KLHL20: variants seen among roughly 807,000 people sequenced by gnomAD.
KLHL20 encodes kelch-like protein 20.
KLHL20 carries 29 observed loss-of-function variants against 69.5 expected under a neutral mutation model. That is an observed-to-expected ratio of 0.42 (90% CI 0.31 to 0.57). The LOEUF is 0.57. Ranked by LOEUF, KLHL20 falls within the 20% of genes least tolerant of loss-of-function variation. KLHL20 has a pLI of 0.18. For synonymous variants in KLHL20, 253 were observed against 265.2 expected (o/e 0.95, Z 0.45); for missense variants, 419 against 776.0 (o/e 0.54, Z 5.47).
At chr1:173,729,819 T>C (rs1672169328) in intron 2 of KLHL20, among the ~76,000 whole-genome samples, 1 of 152,218 alleles carries the variant, frequency 6.6e-6, no homozygotes, top group African/African-American at 2.4e-5. Context: ...AAGACAGGGA[T>C]GCCCTCTCTC....
In KLHL20 at chr1:173,734,110, C is replaced by G. The variant is rs753877472; in HGVS notation, c.421C>G (p.Leu141Val). ...AGTAGAAGAGGGCAATGTTCAGACT[C>G]TTCTGCCAGCTGCTTGCCTCCTCCA... ...ITVEEGNVQTLLPAACLLQLA... is the reference protein window; with the variant it reads ...ITVEEGNVQTVLPAACLLQLA... The change falls in exon 3 of 12, where the codon CTT (leucine) becomes GTT (valine). Residue 141 changes from leucine to valine, a missense_variant. Coordinates refer to ENST00000209884, the MANE Select transcript of KLHL20 (RefSeq NM_014458.4). The G allele has an allele frequency of 6.2e-7, 1 of 1,614,236 alleles. No homozygotes were observed. Among genetic ancestry groups the G allele is most frequent in the Non-Finnish European group, 8.5e-7 (1 of 1,180,048 alleles).
rs1256918594 is a variant in KLHL20 at position 173,774,345 on chromosome 1, A to G, written c.1336A>G (p.Met446Val). 5 of 1,614,106 alleles carry G rather than the reference A, an allele frequency of 3.1e-6. No individual in the cohort carries two copies. The highest frequency in any genetic ancestry group is 3.4e-6 in the Non-Finnish European group (4 of 1,179,992). Residue 446 changes from methionine (M) to valine (V), a missense_variant, in exon 9 of 12, where the codon ATG becomes GTG. Transcript: ENST00000209884. ...GAACAAGTGGACTCGGGTAGCTTCT[A>G]TGAGTACCAGAAGACTAGGTGTGGC... ...KENKWTRVAS[M>V]STRRLGVAVA...
chr1:173,760,615 A>T lies in KLHL20; in HGVS notation c.1151+3456A>T, dbSNP rs145956131. On this transcript the variant is annotated intron_variant, in intron 7 of 11. Transcript: ENST00000209884. ...AGCCAAGAATTTCGTATCCAGTGAA[A>T]CTAAGCATCGTATGTGAACGAAAGA... Among the ~76,000 whole-genome samples, 274 of 152,366 alleles carry T rather than the reference A, an allele frequency of 1.8e-3. 1 individual carries two copies. The highest frequency in any genetic ancestry group is 6.2e-3 in the African/African-American group (258 of 41,586).
chr1:173,715,185 G>T (rs1280503507), intron 1 of KLHL20, 107 bp downstream of exon 1: 1 of 152,390 alleles, frequency 6.6e-6, no homozygotes, highest in East Asian at 1.9e-4. Context: ...GGGTCAGGTC[G>T]GTCGCCTGTC....
chr1:173,717,537 C>A (rs907019844), intron 2 of KLHL20, among the ~76,000 whole-genome samples: 2 of 152,176 alleles, frequency 1.3e-5, no homozygotes, highest in Non-Finnish European at 2.9e-5. Context: ...ATTGGGCTGT[C>A]ATTTTTGCTG....
At chr1:173,740,651 A>G (rs1159717514) in intron 3 of KLHL20, among the ~76,000 whole-genome samples, 1 of 151,926 alleles carries the variant, frequency 6.6e-6, no homozygotes, top group Non-Finnish European at 1.5e-5. Context: ...TGTTGACCCA[A>G]AGATCATTTC....
chr1:173,750,488 CTTTT>C (rs61411580), intron 3 of KLHL20, among the ~76,000 whole-genome samples: 1 of 139,970 alleles, frequency 7.1e-6, no homozygotes. Flanking sequence ...TTTTCTTTTT[CTTTT>C]TTTTTTTTTT....
chr1:173,766,041 A>G, intron 7 of KLHL20, 105 bp from the exon 8 acceptor site: 13 of 901,712 alleles, frequency 1.4e-5, no homozygotes, highest in Non-Finnish European at 1.9e-5. Context: ...GCCCATACTT[A>G]GGGGAAATAA....
chr1:173,758,762 C>A (rs1368952223), intron 7 of KLHL20, among the ~76,000 whole-genome samples: 1 of 152,196 alleles, frequency 6.6e-6, no homozygotes, highest in African/African-American at 2.4e-5. Context: ...CTGCCTGGCA[C>A]CACAGGGATC....
intron 3 of KLHL20, 200 bp downstream of exon 3, chr1:173,734,486 T>G: frequency 1.7e-6 from 1 of 600,438 alleles, no homozygotes; most frequent in Non-Finnish European, 2.9e-6. Flanking sequence ...GATTTAGGGA[T>G]TTATTCTCCC....
chr1:173,757,167 A>G lies in KLHL20; in HGVS notation c.1151+8A>G, dbSNP rs775065946. On this transcript the variant is annotated splice_region_variant and intron_variant, in intron 7 of 11. Transcript: ENST00000209884. The stretch of plus-strand genomic sequence containing the variant: ...TCTCAATAGTGTTGAAAGGTGAGTA[A>G]GGTCAATCTGTAATTTTCTCTCTAC... 31 of 1,593,828 alleles carry G rather than the reference A, an allele frequency of 1.9e-5. No homozygotes were observed. The highest frequency in any genetic ancestry group is 2.7e-5 in the Non-Finnish European group (31 of 1,167,068).
intron 9 of KLHL20, 85 bp downstream of exon 9, chr1:173,774,523 A>T: frequency 1.4e-6 from 2 of 1,467,228 alleles, no homozygotes; most frequent in South Asian, 1.2e-5. Context: ...TAGAAACTCC[A>T]GGTTATCCTA....
At chr1:173,781,655 A>G (rs1048224684) in intron 10 of KLHL20, among the ~76,000 whole-genome samples, 3 of 152,028 alleles carry the variant, frequency 2.0e-5, no homozygotes, top group Non-Finnish European at 4.4e-5. Flanking sequence ...TTGTAGAGAT[A>G]GGGGTCTCAC....
At chr1:173,773,055 C>G (rs1648197572) in intron 8 of KLHL20, among the ~76,000 whole-genome samples, 1 of 152,154 alleles carries the variant, frequency 6.6e-6, no homozygotes, top group Non-Finnish European at 1.5e-5. Context: ...TAGCTCACAA[C>G]TGTCTCAAGC....
chr1:173,759,978 C>A (rs116010641), intron 7 of KLHL20, among the ~76,000 whole-genome samples: 1 of 151,992 alleles, frequency 6.6e-6, no homozygotes, highest in Non-Finnish European at 1.5e-5. Flanking sequence ...AAAAATGATA[C>A]AAGAAGTGAA....
intron 8 of KLHL20, among the ~76,000 whole-genome samples, chr1:173,771,307 G>A (rs1238952274): frequency 6.6e-6 from 1 of 152,214 alleles, no homozygotes; most frequent in Non-Finnish European, 1.5e-5. Flanking sequence ...GGTAAGCCAA[G>A]GTGGGAGGAT....
chr1:173,731,386 T>C (rs563343077), intron 2 of KLHL20, among the ~76,000 whole-genome samples: 178 of 152,318 alleles, frequency 1.2e-3, no homozygotes, highest in African/African-American at 4.1e-3. Context: ...CAAAGGATTA[T>C]AAATCATGCT....
At chr1:173,754,645 A>C (rs969149745) in intron 5 of KLHL20, among the ~76,000 whole-genome samples, 1 of 152,004 alleles carries the variant, frequency 6.6e-6, no homozygotes, top group Non-Finnish European at 1.5e-5. Context: ...TATTTGCAGT[A>C]GCAAAAAGGA....
intron 10 of KLHL20, among the ~76,000 whole-genome samples, chr1:173,776,216 C>G (rs1648456205): frequency 6.6e-6 from 1 of 152,120 alleles, no homozygotes; most frequent in Non-Finnish European, 1.5e-5. Context: ...TACCTGTTTG[C>G]TATTTTTATG....
Sources: gnomAD v4.1 joint callset for allele counts (sites outside exome capture counted in the v4.1 genomes callset) on GRCh38, gnomAD v4.1.1 for gene constraint, MANE v1.5 for transcripts, NCBI Gene and HGNC (gene_info 2026-07-23, HGNC 2026-07-21) for gene names.